SHANK2: variants seen among roughly 807,000 people sequenced by gnomAD.
The protein encoded by SHANK2 is SH3 and multiple ankyrin repeat domains 2.
A neutral mutation model predicts 133.7 loss-of-function variants in SHANK2; 43 were observed. That is an observed-to-expected ratio of 0.32 (90% confidence interval 0.25 to 0.41). The LOEUF is 0.41. SHANK2 is among the 10% of genes least tolerant of loss of function. SHANK2 has a pLI of 1.00. For missense variants in SHANK2, 1,994 were observed against 2,235.8 expected, an observed-to-expected ratio of 0.89 and a Z score of 2.18; for synonymous variants, 1,017 against 952.8, an observed-to-expected ratio of 1.07 and a Z score of -1.24.
At chr11:71,090,172 CTGTGTG>C (rs1191382012) in intron 8 of SHANK2, among the ~76,000 whole-genome samples, 3 of 87,228 alleles carry the variant, frequency 3.4e-5, no homozygotes, top group African/African-American at 1.6e-4. Flanking sequence ...GAAACACAAC[CTGTGTG>C]TGTGTGTGTG....
chr11:70,741,062 A>G (rs1175785305), intron 14 of SHANK2, among the ~76,000 whole-genome samples: 1 of 152,178 alleles, frequency 6.6e-6, no homozygotes, highest in African/African-American at 2.4e-5. Context: ...CTATCCATCC[A>G]TCCAATCATC....
intron 17 of SHANK2, among the ~76,000 whole-genome samples, chr11:70,532,859 G>A (rs536357603): frequency 2.6e-5 from 4 of 152,284 alleles, no homozygotes; most frequent in Admixed American, 2.6e-4. Flanking sequence ...ACGCAACCCA[G>A]TGTCTACGGA....
chr11:71,244,463 C>T lies in SHANK2; in HGVS notation c.-113+7962G>A, dbSNP rs1372583186. 2.6e-5 allele frequency among the ~76,000 whole-genome samples: 4 copies of T among 152,254 alleles called. No homozygotes were observed. The East Asian group carries it at 5.8e-4, about 22-fold the overall frequency. On this transcript the variant is annotated intron_variant, in intron 1 of 25. Coordinates refer to ENST00000601538, the MANE Select transcript of SHANK2 (RefSeq NM_012309.5). The stretch of plus-strand genomic sequence containing the variant: ...GCTCCTCCCAGAGGCTCTCAGCGTG[C>T]AGCCCCGGGAACCAGCCTATTCGAG...
chr11:71,116,221 T>G (rs1369585074), intron 4 of SHANK2, among the ~76,000 whole-genome samples: 1 of 152,204 alleles, frequency 6.6e-6, no homozygotes, highest in African/African-American at 2.4e-5. Context: ...GAGAACCCAC[T>G]TAGGTTGCTC....
At chr11:70,502,753 C>CCCCG in intron 18 of SHANK2, 43 bp downstream of exon 18, 16 of 1,390,638 alleles carry the variant, frequency 1.2e-5, no homozygotes, top group South Asian at 5.2e-5. Flanking sequence ...CCCCCCCCCC[C>CCCCG]AGTAGGGCCC....
intron 14 of SHANK2, among the ~76,000 whole-genome samples, chr11:70,718,812 TG>T (rs1816137078): frequency 6.6e-6 from 1 of 151,400 alleles, no homozygotes; most frequent in African/African-American, 2.4e-5. Flanking sequence ...TAGAAGGGGT[TG>T]GGGATACTCA....
chr11:70,553,161 C>G (rs917605278), intron 17 of SHANK2, among the ~76,000 whole-genome samples: 1 of 151,896 alleles, frequency 6.6e-6, no homozygotes, highest in African/African-American at 2.4e-5. Flanking sequence ...GGCGCGATCT[C>G]GTCTCACTGC....
In SHANK2 at chr11:71,107,235, C is replaced by T. The variant is rs527529495; in HGVS notation, c.592+2706G>A. ...CCCTGGGTGACGCAGGGAAGTGTCC[C>T]GTAAGGAAGCACGCAGGCATTCTTC... On this transcript the variant is annotated intron_variant, in intron 6 of 25. Coordinates refer to ENST00000601538, the MANE Select transcript of SHANK2 (RefSeq NM_012309.5). 3.3e-5 allele frequency among the ~76,000 whole-genome samples: 5 copies of T among 152,282 alleles called. No individual in the cohort carries two copies. In the East Asian group the frequency reaches 7.7e-4, roughly 23 times the overall value.
At chr11:71,152,076 C>CAA (rs67110332) in intron 2 of SHANK2, among the ~76,000 whole-genome samples, 1,999 of 151,718 alleles carry the variant, frequency 0.013, 48 homozygotes, top group African/African-American at 0.045. Flanking sequence ...TCAGATTTGA[C>CAA]AAAAAAAACG....
intron 14 of SHANK2, among the ~76,000 whole-genome samples, chr11:70,745,248 G>T (rs1045535480): frequency 1.3e-5 from 2 of 152,204 alleles, no homozygotes; most frequent in African/African-American, 4.8e-5. Context: ...GCCTGCCTTT[G>T]AGCCTCTGCC....
In SHANK2 at chr11:70,472,789, C is replaced by A; in HGVS notation, c.*80G>T. On this transcript the variant is annotated 3_prime_UTR_variant, in exon 26 of 26. Transcript: ENST00000601538. This position sits in a 1 kb window ranked among gnomAD's most constrained non-coding sequence, Gnocchi z 4.4. ...GAGTGGGGTTGATGCTCACAGACTT[C>A]GCTTGGCATTCAGATGTTTCAGCAC... 1.5e-6 allele frequency: 2 copies of A among 1,375,988 alleles called. No homozygotes were observed. Among genetic ancestry groups the A allele is most frequent in the Non-Finnish European group, 2.1e-6 (2 of 963,582 alleles). The allele number at this position is 1,375,988 out of a possible 1,614,324, so 85.2% of individuals were successfully genotyped here. A position where few individuals can be genotyped will look rare whatever the true frequency, so the allele number is the denominator to read the frequency against.
intron 17 of SHANK2, among the ~76,000 whole-genome samples, chr11:70,590,555 G>A (rs2060308332): frequency 1.3e-5 from 2 of 152,120 alleles, no homozygotes; most frequent in Non-Finnish European, 2.9e-5. Context: ...CCCAGCCTTC[G>A]GCAACCACCG....
chr11:70,504,359 C>A (rs370048784), intron 17 of SHANK2, among the ~76,000 whole-genome samples: 136 of 150,910 alleles, frequency 9.0e-4, no homozygotes, highest in Non-Finnish European at 1.2e-3. Flanking sequence ...TGCCTGGCTC[C>A]CCATACTGTT....
intron 6 of SHANK2, among the ~76,000 whole-genome samples, chr11:71,098,749 G>A (rs1951668953): frequency 6.6e-6 from 1 of 152,114 alleles, no homozygotes; most frequent in Non-Finnish European, 1.5e-5. Flanking sequence ...GGGAGGAAGG[G>A]GCCGATCTTG....
rs1429328790 is a variant in SHANK2, at chr11:70,479,687, T to G, written c.4979+5627A>C. Among the ~76,000 whole-genome samples, 1 of 152,216 alleles carries G rather than the reference T, an allele frequency of 6.6e-6. No homozygotes were observed. The highest frequency in any genetic ancestry group is 2.4e-5 in the African/African-American group (1 of 41,454). On this transcript the variant is annotated intron_variant, in intron 25 of 25. Coordinates refer to ENST00000601538, the MANE Select transcript of SHANK2 (RefSeq NM_012309.5). The surrounding 1 kb of genome is among the most constrained non-coding windows in gnomAD (Gnocchi z 4.4). ...ATGGGGGACCCCCACAAGCACACACTCACTGCTCTGTTGCCCCCACATACA... is the reference window on the plus strand; with the variant it reads ...ATGGGGGACCCCCACAAGCACACACGCACTGCTCTGTTGCCCCCACATACA...
chr11:70,926,592 C>G (rs1245542334), intron 10 of SHANK2, among the ~76,000 whole-genome samples: 3 of 152,174 alleles, frequency 2.0e-5, no homozygotes, highest in African/African-American at 7.2e-5. Flanking sequence ...AGGGGCCATT[C>G]CATACAGCAA....
intron 14 of SHANK2, among the ~76,000 whole-genome samples, chr11:70,784,343 GTT>G (rs71049942): frequency 9.3e-5 from 4 of 42,856 alleles, no homozygotes; most frequent in African/African-American, 3.2e-4. Context: ...ACACCGGCTA[GTT>G]TTTTTTTTTT....
At chr11:71,213,230 T>C (rs1954322581) in intron 2 of SHANK2, among the ~76,000 whole-genome samples, 1 of 152,052 alleles carries the variant, frequency 6.6e-6, no homozygotes, top group Admixed American at 6.5e-5. Flanking sequence ...ACAGGGAGGC[T>C]CTCACAACAG....
intron 17 of SHANK2, among the ~76,000 whole-genome samples, chr11:70,589,475 C>A (rs1222392058): frequency 1.3e-5 from 2 of 152,192 alleles, no homozygotes; most frequent in African/African-American, 4.8e-5. Context: ...GGACAATGAA[C>A]CTGGTCACCC....
Sources: allele counts gnomAD v4.1 joint callset (sites outside exome capture counted in the v4.1 genomes callset), GRCh38; gene constraint gnomAD v4.1.1; non-coding constraint Gnocchi (gnomAD v3.1); transcripts MANE v1.5; gene names NCBI Gene and HGNC (gene_info 2026-07-23, HGNC 2026-07-21).